Variants in RIPOR2 observed in about 807,000 individuals in gnomAD.
The protein encoded by RIPOR2 is RHO family interacting cell polarization regulator 2.
Under a neutral mutation model 114.5 loss-of-function variants are expected in RIPOR2, and 39 were observed. That is an observed-to-expected ratio of 0.34 (90% CI 0.26 to 0.44). RIPOR2 has a LOEUF of 0.44. Among genes scored for constraint, RIPOR2 ranks in the 20% least tolerant of loss-of-function variants. The pLI is 1.00. For missense variants in RIPOR2, 1,007 were observed against 1,255.1 expected (o/e 0.80, Z 2.99); for synonymous variants, 445 against 484.4 (o/e 0.92, Z 1.07).
chr6:24,818,202 A>T (rs1281647344), intron 20 of RIPOR2, among the ~76,000 whole-genome samples: 1 of 152,002 alleles, frequency 6.6e-6, no homozygotes, highest in East Asian at 1.9e-4. Context: ...ACCTCAGGTG[A>T]TCCACCGGCC....
At chr6:24,938,904 G>A (rs1771962394), upstream of RIPOR2, among the ~76,000 whole-genome samples, 1 of 152,110 alleles carries the variant, frequency 6.6e-6, no homozygotes, top group African/African-American at 2.4e-5. Flanking sequence ...AACTACATAT[G>A]CATGCATCAA....
At chr6:24,935,135 C>A in intron 1 of RIPOR2, among the ~76,000 whole-genome samples, 1 of 151,776 alleles carries the variant, frequency 6.6e-6, no homozygotes, top group African/African-American at 2.4e-5. Context: ...TGGCAAAATC[C>A]CATCTCTACT....
intron 8 of RIPOR2, among the ~76,000 whole-genome samples, chr6:24,854,959 G>A (rs1183759422): frequency 1.3e-5 from 2 of 150,566 alleles, no homozygotes; most frequent in African/African-American, 4.9e-5. Context: ...CCTGGGAGGC[G>A]GGGGTTGCAG....
chr6:24,953,589 A>G (rs1352159537), intron 1 of RIPOR2, among the ~76,000 whole-genome samples: 1 of 152,130 alleles, frequency 6.6e-6, no homozygotes, highest in Non-Finnish European at 1.5e-5. Context: ...ATTTGAGAAA[A>G]CAGCAGAAGC....
intron 8 of RIPOR2, among the ~76,000 whole-genome samples, chr6:24,860,545 G>T (rs1290234684): frequency 6.6e-6 from 1 of 152,198 alleles, no homozygotes; most frequent in East Asian, 1.9e-4. Context: ...TGGCATCGTG[G>T]TTATGTAAGA....
In RIPOR2 at chr6:24,848,127, T is replaced by C. The variant is rs756973085; in HGVS notation, c.1062A>G (p.Ala354=). 1 of 1,613,696 alleles carries C rather than the reference T, an allele frequency of 6.2e-7. No individual in the cohort carries two copies. Among genetic ancestry groups the C allele is most frequent in the East Asian group, 2.2e-5 (1 of 44,846 alleles). ...CTGCCTTGTTCCCAGCGCCTGAGGA[T>C]GCGGTCATGTCCTCCACGTCAAATG... ...WYPFDVEDMT[A]SSGAGNKAAA... is the part of the protein sequence containing the mutation. The change falls in exon 12 of 22, where the codon GCA becomes GCG. Residue 354 remains alanine, a synonymous_variant. Transcript: ENST00000643898.
chr6:25,013,854 G>A (rs1775869396), intron 1 of RIPOR2, among the ~76,000 whole-genome samples: 1 of 152,168 alleles, frequency 6.6e-6, no homozygotes, highest in Non-Finnish European at 1.5e-5. Flanking sequence ...TGAATTTAAG[G>A]AAGCTAATAA....
chr6:24,970,646 G>A (rs1773743820), intron 1 of RIPOR2, among the ~76,000 whole-genome samples: 1 of 152,276 alleles, frequency 6.6e-6, no homozygotes, highest in South Asian at 2.1e-4. Context: ...TGTATTAAGA[G>A]TAGGGAGAAG....
intron 17 of RIPOR2, 72 bp downstream of exon 17, chr6:24,830,437 C>A: frequency 2.3e-6 from 3 of 1,313,404 alleles, no homozygotes; most frequent in African/African-American, 1.5e-5. Context: ...GGACCCCTCT[C>A]CCCCGACCCC....
intron 19 of RIPOR2, 75 bp from the exon 20 acceptor site, chr6:24,818,700 C>G (rs1357423631): frequency 2.4e-6 from 2 of 830,268 alleles, no homozygotes; most frequent in Non-Finnish European, 3.7e-6. Context: ...CATTCTTACT[C>G]TCTGAGATAA....
Position 24,831,504 on chromosome 6 carries a change from G to C in RIPOR2, c.2344+752C>G, listed in dbSNP as rs1760689187. 3.3e-5 allele frequency among the ~76,000 whole-genome samples: 5 copies of C among 152,254 alleles called. No homozygotes were observed. The South Asian group carries it at 8.3e-4, about 25-fold the overall frequency. ...AATGTGTCATGATCATGAGGAGGGG[G>C]CTGGGAGAGGAGAGGACACAAGTCA... On this transcript the variant is annotated intron_variant, in intron 16 of 21. Coordinates refer to ENST00000643898, the MANE Select transcript of RIPOR2 (RefSeq NM_001286445.3).
chr6:25,027,192 C>T (rs1776670676), intron 1 of RIPOR2, among the ~76,000 whole-genome samples: 1 of 152,122 alleles, frequency 6.6e-6, no homozygotes, highest in African/African-American at 2.4e-5. Flanking sequence ...AAAATATTTC[C>T]ACGTGCATTA....
chr6:24,892,929 C>T (rs77495929), intron 1 of RIPOR2, among the ~76,000 whole-genome samples: 5,043 of 152,076 alleles, frequency 0.033, 114 homozygotes, highest in Non-Finnish European at 0.05. Flanking sequence ...GTAAAATGGC[C>T]CTAGAGTTAT....
intron 1 of RIPOR2, among the ~76,000 whole-genome samples, chr6:24,951,581 G>A (rs387628): frequency 0.32 from 49,001 of 151,946 alleles, 8,147 homozygotes; most frequent in Admixed American, 0.42. Context: ...TTTGCCTCAC[G>A]CTTCTGCTAC....
At chr6:24,906,965 C>T (rs112097918) in intron 1 of RIPOR2, among the ~76,000 whole-genome samples, 7 of 152,068 alleles carry the variant, frequency 4.6e-5, no homozygotes, top group African/African-American at 1.4e-4. Context: ...ATATTGAATG[C>T]GATGTCTAAC....
chr6:24,843,487 C>A lies in RIPOR2; in HGVS notation c.1232G>T (p.Ser411Ile). ...AAEEKMPLSL[S>I]FSDLPNGDCA... ...GTCCCCGTTGGGCAGGTCACTGAAG[C>A]TGAGCGACAGTGGCATTTTCTCCTC... The change falls in exon 13 of 22, where the codon AGC becomes ATC. Residue 411 changes from serine to isoleucine, a missense_variant. Transcript: ENST00000643898. The A allele has an allele frequency of 6.3e-7, 1 of 1,577,482 alleles. No individual in the cohort carries two copies. Among genetic ancestry groups the A allele is most frequent in the Non-Finnish European group, 8.6e-7 (1 of 1,157,066 alleles).
chr6:24,913,358 G>T (rs1304264308), intron 1 of RIPOR2, among the ~76,000 whole-genome samples: 4 of 152,294 alleles, frequency 2.6e-5, no homozygotes, highest in Middle Eastern at 3.4e-3. Context: ...CTTAGGAAGG[G>T]AGCAGAACGT....
At chr6:24,949,942 G>GA (rs1427183557) in intron 1 of RIPOR2, among the ~76,000 whole-genome samples, 2 of 152,220 alleles carry the variant, frequency 1.3e-5, no homozygotes, top group Non-Finnish European at 2.9e-5. Flanking sequence ...TAAGTATTGT[G>GA]AGTGAGTGAG....
At chr6:24,826,717 C>A (rs754976980) in intron 18 of RIPOR2, among the ~76,000 whole-genome samples, 4 of 152,004 alleles carry the variant, frequency 2.6e-5, no homozygotes, top group Non-Finnish European at 4.4e-5. Context: ...CTAATATAAT[C>A]TAATACAAAT....
Sources: allele counts gnomAD v4.1 joint callset (sites outside exome capture counted in the v4.1 genomes callset), GRCh38; gene constraint gnomAD v4.1.1; transcripts MANE v1.5; gene names NCBI Gene and HGNC (gene_info 2026-07-23, HGNC 2026-07-21).